The following ITIH5 variants were observed in gnomAD, a reference collection of about 807,000 sequenced individuals.
ITIH5 encodes inter-alpha-trypsin inhibitor heavy chain H5.
In ITIH5, 65 loss-of-function variants were observed where a neutral mutation model predicts 77.5. That is an observed-to-expected ratio of 0.84 (90% CI 0.69 to 1.03). The LOEUF (loss-of-function observed/expected upper bound fraction) is 1.03. Among genes scored for constraint, ITIH5 ranks in the 50% least tolerant of loss-of-function variants. ITIH5 has a pLI of 0.00. For missense variants in ITIH5, 1,208 were observed against 1,213.1 expected (o/e 1.00, Z 0.06); for synonymous variants, 525 against 494.3 (o/e 1.06, Z -0.82).
At chr10:7,569,500 C>T (rs1457427691) in intron 12 of ITIH5, 168 bp downstream of exon 12, 5 of 456,680 alleles carry the variant, frequency 1.1e-5, no homozygotes, top group East Asian at 6.6e-5. Flanking sequence ...AGCAGGGAGT[C>T]GGATGCATAA....
intron 1 of ITIH5, 33 bp from the exon 2 acceptor site, chr10:7,655,708 T>A: frequency 9.7e-6 from 15 of 1,547,164 alleles, no homozygotes; most frequent in Non-Finnish European, 1.3e-5. Flanking sequence ...AAAAAGGTGA[T>A]TTTTAAAAGA....
chr10:7,577,018 G>C lies in ITIH5; in HGVS notation c.1419-6C>G, dbSNP rs187338911. 1.8e-4 allele frequency: 296 copies of C among 1,603,298 alleles called. 2 individuals are homozygous for C. In the East Asian group the frequency reaches 5.9e-3, roughly 32 times the overall value. On this transcript the variant is annotated splice_polypyrimidine_tract_variant and splice_region_variant and intron_variant, in intron 9 of 13. Transcript: ENST00000397146. ...TCCTGATTTCATCGTAGAACCTGCA[G>C]TGGAAGCACAGGGAGGGAGGGAGAT...
intron 2 of ITIH5, among the ~76,000 whole-genome samples, chr10:7,644,176 T>G (rs1176945631): frequency 1.3e-5 from 2 of 151,768 alleles, no homozygotes; most frequent in African/African-American, 4.8e-5. Context: ...AGGCAAATAT[T>G]GCAGTGAGCC....
intron 9 of ITIH5, 103 bp downstream of exon 9, chr10:7,579,652 T>C (rs1231526237): frequency 1.0e-5 from 12 of 1,176,808 alleles, no homozygotes; most frequent in South Asian, 1.4e-5. Context: ...TGTCAGCAGA[T>C]GCAAGGCTGG....
chr10:7,659,372 C>G (rs1175448190), intron 1 of ITIH5, among the ~76,000 whole-genome samples: 1 of 151,112 alleles, frequency 6.6e-6, no homozygotes, highest in East Asian at 1.9e-4. Flanking sequence ...ATGTGAGAGT[C>G]CATTTCAAAA....
At position 7,577,018 on chromosome 10, in the gene ITIH5, G is replaced by T; in HGVS notation, c.1419-6C>A. The T allele has an allele frequency of 6.2e-7, 1 of 1,603,298 alleles. No individual in the cohort carries two copies. The highest frequency in any genetic ancestry group is 8.5e-7 in the Non-Finnish European group (1 of 1,172,822). ...TCCTGATTTCATCGTAGAACCTGCA[G>T]TGGAAGCACAGGGAGGGAGGGAGAT... On this transcript the variant is annotated splice_polypyrimidine_tract_variant and splice_region_variant and intron_variant, in intron 9 of 13. Transcript: ENST00000397146.
At chr10:7,649,415 C>G (rs1834059375) in intron 2 of ITIH5, among the ~76,000 whole-genome samples, 1 of 151,714 alleles carries the variant, frequency 6.6e-6, no homozygotes, top group Admixed American at 6.6e-5. Context: ...CTACAGCTCT[C>G]AAGATAGAGG....
chr10:7,632,911 G>C (rs918980522), intron 5 of ITIH5, among the ~76,000 whole-genome samples: 1 of 152,176 alleles, frequency 6.6e-6, no homozygotes, highest in South Asian at 2.1e-4. Context: ...GCCAAAAAAA[G>C]TATTGGAATC....
At chr10:7,646,708 C>G (rs1225025100) in intron 2 of ITIH5, among the ~76,000 whole-genome samples, 1 of 152,148 alleles carries the variant, frequency 6.6e-6, no homozygotes, top group African/African-American at 2.4e-5. Flanking sequence ...TGTTGTCCCT[C>G]AATCCCCTCT....
chr10:7,605,533 AC>A (rs767043819), intron 7 of ITIH5, among the ~76,000 whole-genome samples: 50 of 45,488 alleles, frequency 1.1e-3, no homozygotes, highest in Admixed American at 3.5e-3. Context: ...CATACCTAGC[AC>A]CCCACCCCCA....
At position 7,565,404 on chromosome 10, in the gene ITIH5, C is replaced by T. The variant is rs1189461726; in HGVS notation, c.2527+626G>A. On this transcript the variant is annotated intron_variant, in intron 13 of 13. Transcript: ENST00000397146. ...TATATATACACACATATCATGCACA[C>T]ATACATAGACAGTATACATACATAT... Among the ~76,000 whole-genome samples the T allele has an allele frequency of 2.2e-5, 3 of 137,088 alleles. No homozygotes were observed. The East Asian group carries it at 5.9e-4, about 27-fold the overall frequency. 89.9% of individuals were successfully genotyped at this position (137,088 alleles called of 152,430 possible). A position where few individuals can be genotyped will look rare whatever the true frequency, so the allele number is the denominator to read the frequency against.
rs192984741 is a variant in ITIH5 at position 7,569,852 on chromosome 10, C to T, written c.2033-68G>A. On this transcript the variant is annotated intron_variant, in intron 11 of 13. Coordinates refer to ENST00000397146, the MANE Select transcript of ITIH5 (RefSeq NM_030569.7). ...ATTCAGTACCTTCCTTGTGTAGGTG[C>T]TACTCTCTATTTTCTCATGAATTAT... 305 of 801,296 alleles carry T rather than the reference C, an allele frequency of 3.8e-4. No individual in the cohort carries two copies. The Middle Eastern group carries it at 3.9e-3, about 10-fold the overall frequency. The allele number at this position is 801,296 out of a possible 1,614,324, so 49.6% of individuals were successfully genotyped here. A position where few individuals can be genotyped will look rare whatever the true frequency, so the allele number is the denominator to read the frequency against.
chr10:7,615,116 G>C (rs188071261), intron 7 of ITIH5, among the ~76,000 whole-genome samples: 250 of 152,168 alleles, frequency 1.6e-3, no homozygotes, highest in Non-Finnish European at 2.9e-3. Context: ...GTGTGGTGGA[G>C]TATGCCTGTA....
chr10:7,607,774 A>T (rs1833154650), intron 7 of ITIH5, among the ~76,000 whole-genome samples: 1 of 152,238 alleles, frequency 6.6e-6, no homozygotes. Context: ...AGATAGCGCC[A>T]TTGCACTCCG....
At chr10:7,655,514 T>C (rs1834166455) in intron 2 of ITIH5, 117 bp downstream of exon 2, 1 of 786,330 alleles carries the variant, frequency 1.3e-6, no homozygotes, top group South Asian at 1.7e-5. Context: ...ATCTCAGAAT[T>C]TTTCTACAAG....
chr10:7,562,213 A>G lies in ITIH5; in HGVS notation c.*870T>C, dbSNP rs1470881170. ...CACAAGGAAAAAAGGTCTGGGAACT[A>G]TGACAAAGGCTGGAGAGCTCCAAGT... On this transcript the variant is annotated 3_prime_UTR_variant, in exon 14 of 14. Transcript: ENST00000397146. 6.6e-6 allele frequency: 1 copy of G among 152,288 alleles called. No individual in the cohort carries two copies. The highest frequency in any genetic ancestry group is 1.5e-5 in the Non-Finnish European group (1 of 68,082). 9.4% of individuals were successfully genotyped at this position (152,288 alleles called of 1,614,324 possible).
chr10:7,633,671 G>C lies in ITIH5; in HGVS notation c.652+3557C>G, dbSNP rs1274921292. Reference sequence around the variant, plus strand: ...CTTCTTCATAATTAAAATGGGGATTGAAAAAAAAAAGCTAAGAGGGTTGTT... The same window carrying C: ...CTTCTTCATAATTAAAATGGGGATTCAAAAAAAAAAGCTAAGAGGGTTGTT... On this transcript the variant is annotated intron_variant, in intron 5 of 13. Transcript: ENST00000397146. Among the ~76,000 whole-genome samples the C allele has an allele frequency of 2.0e-5, 3 of 146,366 alleles. No homozygotes were observed. The East Asian group carries it at 5.9e-4, about 29-fold the overall frequency.
At chr10:7,597,323 C>G (rs892884080) in intron 7 of ITIH5, among the ~76,000 whole-genome samples, 1 of 152,066 alleles carries the variant, frequency 6.6e-6, no homozygotes. Flanking sequence ...CCTCAGTGCC[C>G]CTTGGTGGGT....
intron 8 of ITIH5, among the ~76,000 whole-genome samples, chr10:7,582,134 A>G (rs1290140111): frequency 6.6e-6 from 1 of 152,114 alleles, no homozygotes; most frequent in East Asian, 1.9e-4. Context: ...CTCGGCCTCC[A>G]AAGTGCTGGG....
Sources: allele counts gnomAD v4.1 joint callset (sites outside exome capture counted in the v4.1 genomes callset), GRCh38; gene constraint gnomAD v4.1.1; transcripts MANE v1.5; gene names NCBI Gene and HGNC (gene_info 2026-07-23, HGNC 2026-07-21).